The following CBFA2T2 variants were observed in gnomAD, a reference collection of about 807,000 sequenced individuals.
CBFA2T2 encodes CBFA2/RUNX1 partner transcriptional co-repressor 2.
CBFA2T2 carries 11 observed loss-of-function variants against 62.2 expected under a neutral mutation model. The observed-to-expected ratio is 0.18, with a 90% CI of 0.11 to 0.29. CBFA2T2 has a LOEUF of 0.29. Ranked by LOEUF, CBFA2T2 falls within the 10% of genes least tolerant of loss-of-function variation. The pLI, the probability that CBFA2T2 is intolerant of heterozygous loss-of-function variation, is 1.00. For synonymous variants in CBFA2T2, 295 were observed against 287.5 expected (o/e 1.03, Z -0.27); for missense variants, 592 against 774.1 (o/e 0.76, Z 2.79).
intron 1 of CBFA2T2, among the ~76,000 whole-genome samples, chr20:33,598,864 G>A (rs545175921): frequency 5.3e-5 from 8 of 152,312 alleles, no homozygotes; most frequent in East Asian, 1.9e-4. Flanking sequence ...GGCTTCAGCC[G>A]GTCCCTCCGT....
intron 1 of CBFA2T2, among the ~76,000 whole-genome samples, chr20:33,520,922 ACATT>A (rs908179736): frequency 6.6e-6 from 1 of 151,192 alleles, no homozygotes; most frequent in Non-Finnish European, 1.5e-5. Flanking sequence ...ACACACACAC[ACATT>A]TTCACCTGCC....
chr20:33,497,935 G>A (rs997932483), intron 1 of CBFA2T2, among the ~76,000 whole-genome samples: 4 of 152,052 alleles, frequency 2.6e-5, no homozygotes, highest in Admixed American at 2.6e-4. Context: ...CTCCTGCCTT[G>A]GACTCCCAAA....
chr20:33,532,400 G>A (rs2012086858), intron 1 of CBFA2T2, among the ~76,000 whole-genome samples: 1 of 152,174 alleles, frequency 6.6e-6, no homozygotes. Context: ...GGTAGGGAAT[G>A]ATCTCTGAGA....
chr20:33,607,642 C>G (rs1406858756), intron 2 of CBFA2T2, among the ~76,000 whole-genome samples: 1 of 152,102 alleles, frequency 6.6e-6, no homozygotes, highest in Non-Finnish European at 1.5e-5. Flanking sequence ...TAGATGGTTG[C>G]CTTCTTGCCA....
chr20:33,510,636 T>G (rs559137126), intron 1 of CBFA2T2, among the ~76,000 whole-genome samples: 9 of 152,330 alleles, frequency 5.9e-5, no homozygotes, highest in African/African-American at 2.2e-4. Flanking sequence ...TTTATGATCC[T>G]TTGGGTATAT....
At position 33,628,442 on chromosome 20, in the gene CBFA2T2, A is replaced by G. The variant is rs2016331643; in HGVS notation, c.1032+7A>G. 4 of 1,589,750 alleles carry G rather than the reference A, an allele frequency of 2.5e-6. No individual in the cohort carries two copies. The highest frequency in any genetic ancestry group is 3.5e-6 in the Non-Finnish European group (4 of 1,157,742). Reference sequence around the variant, plus strand: ...ATGGAAACATCTTGACCATGTAAGAATCTTGTAGTGTGTAATGTCCCTAAC... The same window carrying G: ...ATGGAAACATCTTGACCATGTAAGAGTCTTGTAGTGTGTAATGTCCCTAAC... On this transcript the variant is annotated splice_region_variant and intron_variant, in intron 7 of 10. Coordinates refer to ENST00000342704, the MANE Select transcript of CBFA2T2 (RefSeq NM_001032999.3).
At chr20:33,501,510 G>A (rs184692566) in intron 1 of CBFA2T2, among the ~76,000 whole-genome samples, 4 of 152,154 alleles carry the variant, frequency 2.6e-5, no homozygotes, top group Admixed American at 2.6e-4. Context: ...GAGAAGTGCC[G>A]GGAGAGGTGA....
chr20:33,601,146 T>C (rs1315454365), intron 1 of CBFA2T2, among the ~76,000 whole-genome samples: 1 of 152,162 alleles, frequency 6.6e-6, no homozygotes, highest in Non-Finnish European at 1.5e-5. Context: ...TCCCTTCTGT[T>C]AGTCTAATCC....
At chr20:33,598,900 G>C (rs2015004624) in intron 1 of CBFA2T2, among the ~76,000 whole-genome samples, 1 of 152,220 alleles carries the variant, frequency 6.6e-6, no homozygotes, top group Non-Finnish European at 1.5e-5. Context: ...TCCCGCAGCA[G>C]TCTCACTTCA....
At chr20:33,548,571 T>C (rs569618627) in intron 1 of CBFA2T2, among the ~76,000 whole-genome samples, 5 of 152,260 alleles carry the variant, frequency 3.3e-5, no homozygotes, top group African/African-American at 1.2e-4. Flanking sequence ...GTGTAGTCTT[T>C]GGACTTAGTT....
chr20:33,621,403 T>C (rs2015979970), intron 4 of CBFA2T2, among the ~76,000 whole-genome samples: 1 of 150,278 alleles, frequency 6.7e-6, no homozygotes, highest in Admixed American at 6.7e-5. Context: ...TTCAAGCGAT[T>C]CTTCTGCCTC....
Position 33,582,215 on chromosome 20 carries a change from G to A in CBFA2T2, c.35-24741G>A, listed in dbSNP as rs186718001. 2.3e-3 allele frequency among the ~76,000 whole-genome samples: 352 copies of A among 152,210 alleles called. 2 individuals carry two copies. The highest frequency in any genetic ancestry group is 2.6e-3 in the Non-Finnish European group (180 of 67,986). On this transcript the variant is annotated intron_variant, in intron 1 of 10. Transcript: ENST00000342704. ...ATGTTGATCAAATGAATCAGCAGCC[G>A]GGCGCGGTGGCTCACGCCTGTAATC...
intron 10 of CBFA2T2, 126 bp from the exon 11 acceptor site, chr20:33,644,221 C>G (rs2016966796): frequency 2.0e-6 from 2 of 997,156 alleles, no homozygotes; most frequent in Non-Finnish European, 2.9e-6. Context: ...CGGAGTTGAC[C>G]ACAGGTGTAT....
chr20:33,591,467 C>CAAAAAAAAAAAAAAAACAA (rs2014627479), intron 1 of CBFA2T2, among the ~76,000 whole-genome samples: 1 of 98,082 alleles, frequency 1.0e-5, no homozygotes, highest in African/African-American at 3.4e-5. Flanking sequence ...GAGTAAATCT[C>CAAAAAAAAAAAAAAAACAA]AAAAAAAAAA....
chr20:33,643,751 TACTATATATATATATATATATATATA>T, intron 10 of CBFA2T2, among the ~76,000 whole-genome samples: 1 of 60,766 alleles, frequency 1.6e-5, no homozygotes. Flanking sequence ...ACCTCATCTC[TACTATATATATATATATATATATATA>T]TATATATATA....
chr20:33,641,882 T>A (rs953196723), intron 10 of CBFA2T2, among the ~76,000 whole-genome samples: 6 of 151,872 alleles, frequency 4.0e-5, no homozygotes, highest in Admixed American at 1.3e-4. Context: ...TTTTTTTTTT[T>A]AACAAACAAT....
At chr20:33,579,369 G>A (rs2014000610) in intron 1 of CBFA2T2, among the ~76,000 whole-genome samples, 1 of 151,816 alleles carries the variant, frequency 6.6e-6, no homozygotes, top group Non-Finnish European at 1.5e-5. Context: ...CACCCAGCCT[G>A]TTCATTTTCT....
chr20:33,568,428 C>T (rs540809423), intron 1 of CBFA2T2, among the ~76,000 whole-genome samples: 8 of 152,250 alleles, frequency 5.3e-5, no homozygotes, highest in African/African-American at 1.9e-4. Flanking sequence ...ATGCGGCAGT[C>T]TTTAAAAACT....
intron 1 of CBFA2T2, among the ~76,000 whole-genome samples, chr20:33,528,856 G>C (rs2011962759): frequency 6.6e-6 from 1 of 152,100 alleles, no homozygotes; most frequent in African/African-American, 2.4e-5. Context: ...TCAACTCTTG[G>C]TTGAGAATGA....
Sources: gnomAD v4.1 joint callset for allele counts (sites outside exome capture counted in the v4.1 genomes callset) on GRCh38, gnomAD v4.1.1 for gene constraint, MANE v1.5 for transcripts, NCBI Gene and HGNC (gene_info 2026-07-23, HGNC 2026-07-21) for gene names.